Variants in NXN observed in about 807,000 individuals in gnomAD.
NXN encodes the protein nucleoredoxin.
A neutral mutation model predicts 48.6 loss-of-function variants in NXN; 16 were observed. That is an observed-to-expected ratio of 0.33 (90% CI 0.22 to 0.50). The LOEUF (loss-of-function observed/expected upper bound fraction) is 0.50. Ranked by LOEUF, NXN falls within the 20% of genes least tolerant of loss-of-function variation. NXN has a pLI of 0.98. For missense variants in NXN, 492 were observed against 605.5 expected (o/e 0.81, Z 1.97); for synonymous variants, 281 against 269.6 (o/e 1.04, Z -0.41).
Position 821,237 on chromosome 17 carries a change from C to G in NXN, c.713+1120G>C, listed in dbSNP as rs1192977176. On this transcript the variant is annotated intron_variant, in intron 4 of 7. Transcript: ENST00000336868. ...TCTCGGATCCTTTTGGGAACAGGAACATAAGCGGCAGAGGCCACTGGTGAC... is the reference window on the plus strand; with the variant it reads ...TCTCGGATCCTTTTGGGAACAGGAAGATAAGCGGCAGAGGCCACTGGTGAC... 7.7e-5 allele frequency among the ~76,000 whole-genome samples: 6 copies of G among 77,918 alleles called. 3 individuals carry two copies. Among genetic ancestry groups the G allele is most frequent in the Non-Finnish European group, 1.4e-4 (6 of 41,958 alleles). The allele number at this position is 77,918 out of a possible 152,430, so 51.1% of individuals were successfully genotyped here. A position where few individuals can be genotyped will look rare whatever the true frequency, so the allele number is the denominator to read the frequency against.
intron 1 of NXN, among the ~76,000 whole-genome samples, chr17:870,777 T>C (rs1170362764): frequency 6.6e-6 from 1 of 151,738 alleles, no homozygotes; most frequent in East Asian, 1.9e-4. Flanking sequence ...AAAAGAATCT[T>C]ATCCACCCCA....
rs376638933 is a variant in NXN at position 899,082 on chromosome 17, C to T, written c.361-73004G>A. On this transcript the variant is annotated intron_variant, in intron 1 of 7. Coordinates refer to ENST00000336868, the MANE Select transcript of NXN (RefSeq NM_022463.5). ...AAGTGATTCTCCTGCCTCAGCCTCC[C>T]GAGTAGCTGGGATTACAGGCACCCA... 6.8e-4 allele frequency among the ~76,000 whole-genome samples: 103 copies of T among 151,632 alleles called. 2 individuals carry two copies. The highest frequency in any genetic ancestry group is 6.8e-3 in the Middle Eastern group (2 of 294).
chr17:976,502 T>A (rs1249060194), intron 1 of NXN, among the ~76,000 whole-genome samples: 1 of 152,202 alleles, frequency 6.6e-6, no homozygotes, highest in African/African-American at 2.4e-5. Context: ...GAACTCTGGT[T>A]TCCCTTCAGT....
intron 1 of NXN, among the ~76,000 whole-genome samples, chr17:953,162 C>CT (rs67723134): frequency 0.063 from 9,600 of 152,214 alleles, 436 homozygotes; most frequent in Non-Finnish European, 0.093. Context: ...AAACGGAAGA[C>CT]TATGACCCTT....
At position 956,283 on chromosome 17, in the gene NXN, G is replaced by A. The variant is rs986990642; in HGVS notation, c.360+23036C>T. Among the ~76,000 whole-genome samples, 7 of 152,174 alleles carry A rather than the reference G, an allele frequency of 4.6e-5. No individual in the cohort carries two copies. The highest frequency in any genetic ancestry group is 1.3e-4 in the Admixed American group (2 of 15,268). ...TAATAAGAGGTGTCGAACGTGTTAA[G>A]TAAGAAGGACACAAGGAGGAAAGAC... On this transcript the variant is annotated intron_variant, in intron 1 of 7. Transcript: ENST00000336868. This position sits in a 1 kb window ranked among gnomAD's most constrained non-coding sequence, Gnocchi z 4.1.
intron 1 of NXN, chr17:910,580 G>A (rs2068626833): frequency 2.0e-5 from 3 of 152,032 alleles, no homozygotes; most frequent in Non-Finnish European, 4.4e-5. Flanking sequence ...GAGTTCACTT[G>A]CTACAAATGC....
At chr17:971,225 C>T (rs1046231857) in intron 1 of NXN, among the ~76,000 whole-genome samples, 4 of 151,920 alleles carry the variant, frequency 2.6e-5, no homozygotes, top group South Asian at 2.1e-4. Context: ...GGATTACAGG[C>T]GTGAGCCACC....
chr17:957,568 G>T (rs372298199), intron 1 of NXN, among the ~76,000 whole-genome samples: 6 of 151,098 alleles, frequency 4.0e-5, no homozygotes, highest in Non-Finnish European at 7.4e-5. Flanking sequence ...GGAGGTGTAG[G>T]TTGCAGTGAG....
chr17:824,783 T>C (rs1233660987), intron 2 of NXN, among the ~76,000 whole-genome samples: 1 of 152,214 alleles, frequency 6.6e-6, no homozygotes, highest in Non-Finnish European at 1.5e-5. Context: ...CCCGCTCAAC[T>C]GAACCACGTT....
intron 1 of NXN, among the ~76,000 whole-genome samples, chr17:864,836 G>A (rs960129882): frequency 1.3e-5 from 2 of 152,136 alleles, no homozygotes; most frequent in African/African-American, 2.4e-5. Flanking sequence ...CAACCCAGGC[G>A]GTGTTCTGTC....
intron 1 of NXN, among the ~76,000 whole-genome samples, chr17:942,234 G>A (rs868701523): frequency 5.0e-5 from 7 of 139,486 alleles, no homozygotes; most frequent in South Asian, 2.4e-4. Context: ...ATTCCAGGGT[G>A]CAGCCATGAA....
intron 1 of NXN, among the ~76,000 whole-genome samples, chr17:974,248 G>GTA (rs2069428813): frequency 6.6e-6 from 1 of 151,798 alleles, no homozygotes; most frequent in South Asian, 2.1e-4. Flanking sequence ...CTACTCAGGA[G>GTA]GCTGAGGCAG....
chr17:817,486 G>A (rs1237895326), intron 5 of NXN, among the ~76,000 whole-genome samples: 1 of 151,742 alleles, frequency 6.6e-6, no homozygotes, highest in Non-Finnish European at 1.5e-5. Flanking sequence ...TGGCCAACAT[G>A]GTGAAACCCC....
intron 1 of NXN, among the ~76,000 whole-genome samples, chr17:960,014 C>G (rs1229234263): frequency 1.3e-5 from 2 of 152,056 alleles, no homozygotes; most frequent in African/African-American, 4.8e-5. Flanking sequence ...ATCGCTTGAA[C>G]CCGGGGGGCA....
At position 823,694 on chromosome 17, in the gene NXN, G is replaced by A. The variant is rs771006110; in HGVS notation, c.550C>T (p.Gln184Ter). ...TCCAGGCTGCTGCTCTCCAGAGACT[G>A]CCCATTGTTTCTAAGCAAGGGCCCT... The part of the protein sequence containing the change: ...IAGPLLRNNG[Q>*]SLESSSLEGS... The change falls in exon 3 of 8, where the codon CAG becomes TAG. Residue 184 changes from glutamine (Q) to a stop codon, truncating the protein, a stop_gained. Coordinates refer to ENST00000336868, the MANE Select transcript of NXN (RefSeq NM_022463.5). LOFTEE classifies it high-confidence loss of function. 2 of 1,614,130 alleles carry A rather than the reference G, an allele frequency of 1.2e-6. No individual in the cohort carries two copies. Among genetic ancestry groups the A allele is most frequent in the South Asian group, 1.1e-5 (1 of 91,082 alleles).
chr17:814,542 C>T (rs571697144), intron 5 of NXN, among the ~76,000 whole-genome samples: 2 of 152,322 alleles, frequency 1.3e-5, no homozygotes, highest in African/African-American at 4.8e-5. Context: ...GTCTTCCAGG[C>T]CCTCGTACGA....
At chr17:872,651 C>T (rs938531010) in intron 1 of NXN, among the ~76,000 whole-genome samples, 3 of 131,346 alleles carry the variant, frequency 2.3e-5, no homozygotes, top group African/African-American at 9.3e-5. Context: ...ACGGAGTTTC[C>T]CTCTTGTTGC....
chr17:820,246 T>C (rs1363179027), intron 4 of NXN, among the ~76,000 whole-genome samples: 5 of 152,210 alleles, frequency 3.3e-5, no homozygotes, highest in South Asian at 4.1e-4. Flanking sequence ...TCAGCTGAAC[T>C]GTGTACCTTA....
intron 1 of NXN, among the ~76,000 whole-genome samples, chr17:944,620 C>G (rs537641782): frequency 6.6e-6 from 1 of 152,274 alleles, no homozygotes; most frequent in Admixed American, 6.5e-5. Context: ...TCATTCAGTT[C>G]TGAAAAAGTT....
Sources: allele counts gnomAD v4.1 joint callset (sites outside exome capture counted in the v4.1 genomes callset), GRCh38; gene constraint gnomAD v4.1.1; non-coding constraint Gnocchi (gnomAD v3.1); transcripts MANE v1.5; gene names NCBI Gene and HGNC (gene_info 2026-07-23, HGNC 2026-07-21).